Variants in NPSR1 observed in about 807,000 individuals in gnomAD.
The protein encoded by NPSR1 is neuropeptide S receptor 1.
Under a neutral mutation model 46.9 loss-of-function variants are expected in NPSR1, and 48 were observed. The ratio of observed to expected loss-of-function variants is 1.02; its 90% confidence interval spans 0.81 to 1.30. The LOEUF is 1.30. Among genes scored for constraint, NPSR1 ranks in the 50% most tolerant of loss-of-function variants. The pLI, the probability that NPSR1 is intolerant of heterozygous loss-of-function variation, is 0.00. For missense variants in NPSR1, 450 were observed against 449.5 expected, an observed-to-expected ratio of 1.00 and a Z score of -0.01; for synonymous variants, 176 against 168.1, an observed-to-expected ratio of 1.05 and a Z score of -0.36.
chr7:34,750,480 G>T (rs1380896703), intron 2 of NPSR1: 5 of 725,062 alleles, frequency 6.9e-6, no homozygotes, highest in South Asian at 5.6e-5. Flanking sequence ...GCCAGAGGCT[G>T]GTGCCTACAA....
At chr7:34,729,947 AT>A (rs1247536248) in intron 2 of NPSR1, among the ~76,000 whole-genome samples, 1 of 152,022 alleles carries the variant, frequency 6.6e-6, no homozygotes, top group Admixed American at 6.6e-5. Flanking sequence ...CTCAATGTTT[AT>A]TTTTTAGTAG....
At chr7:34,699,910 C>T (rs1443926973) in intron 2 of NPSR1, among the ~76,000 whole-genome samples, 2 of 152,112 alleles carry the variant, frequency 1.3e-5, no homozygotes, top group African/African-American at 2.4e-5. Flanking sequence ...ATATGTCTTG[C>T]TAAGAAGTTC....
intron 3 of NPSR1, among the ~76,000 whole-genome samples, chr7:34,796,458 G>T (rs1788176812): frequency 6.6e-6 from 1 of 152,146 alleles, no homozygotes. Context: ...TTCAAAATAT[G>T]CAGAAGAGCT....
Position 34,684,561 on chromosome 7 carries a change from T to C in NPSR1, c.157T>C (p.Leu53=), listed in dbSNP as rs917563702. 1 of 1,613,584 alleles carries C rather than the reference T, an allele frequency of 6.2e-7. No individual in the cohort carries two copies. The highest frequency in any genetic ancestry group is 8.5e-7 in the Non-Finnish European group (1 of 1,179,792). The change falls in exon 2 of 9, where the codon TTG becomes CTG. Residue 53 remains leucine, a synonymous_variant. Coordinates refer to ENST00000360581, the MANE Select transcript of NPSR1 (RefSeq NM_207172.2). ...SFYYSFKTEQ[L]ITLWVLFVFT... ...TCTCTGTTTCTTGCAGACTGAGCAATTGATAACTCTGTGGGTCCTCTTTGT... is the reference window on the plus strand; with the variant it reads ...TCTCTGTTTCTTGCAGACTGAGCAACTGATAACTCTGTGGGTCCTCTTTGT...
intron 8 of NPSR1, among the ~76,000 whole-genome samples, chr7:34,875,007 A>T (rs1287914162): frequency 6.6e-6 from 1 of 152,122 alleles, no homozygotes; most frequent in East Asian, 1.9e-4. Flanking sequence ...GGTGCACTAT[A>T]CCTAATTATC....
At chr7:34,706,946 A>G (rs1303084235) in intron 2 of NPSR1, among the ~76,000 whole-genome samples, 1 of 152,096 alleles carries the variant, frequency 6.6e-6, no homozygotes, top group Non-Finnish European at 1.5e-5. Context: ...TTCCTCCACC[A>G]AGAAGAGCTG....
intron 4 of NPSR1, among the ~76,000 whole-genome samples, chr7:34,824,378 C>A (rs138420550): frequency 8.0e-4 from 122 of 152,266 alleles, no homozygotes; most frequent in African/African-American, 2.9e-3. Context: ...AAACATGAGA[C>A]AGTCTACCTT....
intron 8 of NPSR1, among the ~76,000 whole-genome samples, chr7:34,868,936 G>A (rs929055186): frequency 3.3e-5 from 5 of 151,758 alleles, no homozygotes; most frequent in East Asian, 1.9e-4. Context: ...CAACAAGCCT[G>A]CTTGCAGAAG....
chr7:34,844,444 GTTTTTGTT>G (rs1323076688), intron 6 of NPSR1, among the ~76,000 whole-genome samples: 2 of 151,478 alleles, frequency 1.3e-5, no homozygotes, highest in Admixed American at 1.3e-4. Context: ...GCGTTTTTTT[GTTTTTGTT>G]TTTTTGTTTT....
chr7:34,820,512 A>G lies in NPSR1; in HGVS notation c.479-6889A>G, dbSNP rs1584093680. ...GACATAGGTATGCAAAAATGTGTCAATGAAGCATCAAATTCTGTAAAATAT... is the reference window on the plus strand; with the variant it reads ...GACATAGGTATGCAAAAATGTGTCAGTGAAGCATCAAATTCTGTAAAATAT... On this transcript the variant is annotated intron_variant, in intron 4 of 8. Transcript: ENST00000360581. 2.0e-5 allele frequency among the ~76,000 whole-genome samples: 3 copies of G among 152,262 alleles called. No individual in the cohort carries two copies. The East Asian group carries it at 5.8e-4, about 29-fold the overall frequency.
chr7:34,792,713 A>ATATATATGTATATATATATTTT (rs1185507541), intron 3 of NPSR1, among the ~76,000 whole-genome samples: 1 of 90,628 alleles, frequency 1.1e-5, no homozygotes, highest in Non-Finnish European at 2.3e-5. Context: ...ATATATATAT[A>ATATATATGTATATATATATTTT]TTTATATATA....
chr7:34,857,846 T>C (rs765435524), intron 8 of NPSR1, among the ~76,000 whole-genome samples: 1 of 151,248 alleles, frequency 6.6e-6, no homozygotes, highest in African/African-American at 2.4e-5. Flanking sequence ...TGCAAATCAG[T>C]AAGAAAAAGA....
At chr7:34,789,740 CAAAAAAAA>C (rs751424409) in intron 3 of NPSR1, among the ~76,000 whole-genome samples, 25 of 45,346 alleles carry the variant, frequency 5.5e-4, no homozygotes, top group Admixed American at 1.9e-3. Flanking sequence ...TTGCAGTGCG[CAAAAAAAA>C]AAAAAAAAAA....
Position 34,691,061 on chromosome 7 carries a change from A to G in NPSR1, c.280+6377A>G, listed in dbSNP as rs1432793218. ...GAAACCCTACATGCCAGAAGAGATC[A>G]GGGGCCTATTTTTAGCCTCCTTAAA... is the stretch of plus-strand genomic sequence containing the variant. On this transcript the variant is annotated intron_variant, in intron 2 of 8. Coordinates refer to ENST00000360581, the MANE Select transcript of NPSR1 (RefSeq NM_207172.2). 2.0e-5 allele frequency among the ~76,000 whole-genome samples: 3 copies of G among 152,210 alleles called. No individual in the cohort carries two copies. In the East Asian group the frequency reaches 5.8e-4, roughly 29 times the overall value.
At chr7:34,664,024 TC>T (rs1388522922) in intron 1 of NPSR1, among the ~76,000 whole-genome samples, 1 of 152,188 alleles carries the variant, frequency 6.6e-6, no homozygotes, top group African/African-American at 2.4e-5. Flanking sequence ...TCAAATAATT[TC>T]CTGTTGATGA....
At chr7:34,762,413 T>C (rs948453653) in intron 2 of NPSR1, among the ~76,000 whole-genome samples, 4 of 152,152 alleles carry the variant, frequency 2.6e-5, no homozygotes, top group Admixed American at 2.0e-4. Context: ...AGACATATAC[T>C]TTTGGAGAAA....
intron 1 of NPSR1, among the ~76,000 whole-genome samples, chr7:34,662,044 G>A (rs1287622558): frequency 6.6e-6 from 1 of 152,128 alleles, no homozygotes; most frequent in Non-Finnish European, 1.5e-5. Context: ...TACTTAATGA[G>A]AAACCTAATT....
At chr7:34,669,806 C>A (rs568666553) in intron 1 of NPSR1, among the ~76,000 whole-genome samples, 4 of 152,138 alleles carry the variant, frequency 2.6e-5, no homozygotes, top group Non-Finnish European at 4.4e-5. Flanking sequence ...GGTTACATAG[C>A]TGGTAGATGG....
intron 2 of NPSR1, among the ~76,000 whole-genome samples, chr7:34,733,418 TA>T (rs34203443): frequency 0.14 from 18,167 of 131,680 alleles, 1,339 homozygotes; most frequent in Non-Finnish European, 0.18. Context: ...GATTTTGTCT[TA>T]AAAAAAAAAA....
Sources: allele counts gnomAD v4.1 joint callset (sites outside exome capture counted in the v4.1 genomes callset), GRCh38; gene constraint gnomAD v4.1.1; transcripts MANE v1.5; gene names NCBI Gene and HGNC (gene_info 2026-07-23, HGNC 2026-07-21).